The following SYT1 variants were observed in gnomAD, a reference collection of about 807,000 sequenced individuals.
SYT1 encodes synaptotagmin 1.
In SYT1, 8 loss-of-function variants were observed where a neutral mutation model predicts 44.8. The observed-to-expected ratio is 0.18, with a 90% CI of 0.10 to 0.32. The LOEUF is 0.32. Ranked by LOEUF, SYT1 falls within the 10% of genes least tolerant of loss-of-function variation. SYT1 has a pLI of 1.00. For missense variants in SYT1, 286 were observed against 509.3 expected (o/e 0.56, Z 4.22); for synonymous variants, 154 against 188.8 (o/e 0.82, Z 1.51).
intron 2 of SYT1, among the ~76,000 whole-genome samples, chr12:78,991,098 G>A (rs1473555302): frequency 6.6e-6 from 1 of 152,016 alleles, no homozygotes; most frequent in Non-Finnish European, 1.5e-5. Flanking sequence ...GAATACAAAT[G>A]ACATGAAAAT....
At chr12:79,153,164 C>A (rs1870386240) in intron 3 of SYT1, among the ~76,000 whole-genome samples, 1 of 152,032 alleles carries the variant, frequency 6.6e-6, no homozygotes, top group Non-Finnish European at 1.5e-5. Context: ...TGAGTTCTAG[C>A]CCAAGACATA....
chr12:79,277,500 C>A (rs538801922), intron 4 of SYT1, among the ~76,000 whole-genome samples: 6 of 152,188 alleles, frequency 3.9e-5, no homozygotes, highest in African/African-American at 1.4e-4. Context: ...ACTACCTCTA[C>A]AAGAAATGCT....
chr12:79,286,959 T>C (rs1192093107), intron 5 of SYT1, among the ~76,000 whole-genome samples: 1 of 152,170 alleles, frequency 6.6e-6, no homozygotes, highest in African/African-American at 2.4e-5. Context: ...ATTCCTCTTA[T>C]ACTATTAATT....
chr12:79,327,533 C>T (rs1245771), intron 8 of SYT1, among the ~76,000 whole-genome samples: 4,191 of 152,274 alleles, frequency 0.028, 207 homozygotes, highest in African/African-American at 0.094. Flanking sequence ...CAACTATGTT[C>T]TGTAGCTTCT....
At chr12:79,019,361 AG>A (rs1872031943) in intron 2 of SYT1, among the ~76,000 whole-genome samples, 1 of 152,060 alleles carries the variant, frequency 6.6e-6, no homozygotes, top group South Asian at 2.1e-4. Flanking sequence ...GTTACTCATG[AG>A]ATAACTAGTT....
chr12:79,155,876 C>T (rs1293359428), intron 3 of SYT1, among the ~76,000 whole-genome samples: 1 of 152,148 alleles, frequency 6.6e-6, no homozygotes, highest in African/African-American at 2.4e-5. Flanking sequence ...TTCAACCAAC[C>T]AACGTGAGAT....
intron 9 of SYT1, among the ~76,000 whole-genome samples, chr12:79,440,355 G>T (rs780435262): frequency 6.6e-6 from 1 of 152,214 alleles, no homozygotes; most frequent in Non-Finnish European, 1.5e-5. Context: ...TCAGTATTTA[G>T]ATGATGAAGG....
chr12:79,098,716 T>C (rs1218044477), intron 3 of SYT1, among the ~76,000 whole-genome samples: 1 of 152,144 alleles, frequency 6.6e-6, no homozygotes, highest in Admixed American at 6.6e-5. Flanking sequence ...CCTGCTGTGG[T>C]ACAACAGGAG....
Position 79,100,436 on chromosome 12 carries a change from G to A in SYT1, c.-18+53074G>A, listed in dbSNP as rs78708308. 3.9e-3 allele frequency among the ~76,000 whole-genome samples: 597 copies of A among 152,040 alleles called. 28 individuals carry two copies. In the East Asian group the frequency reaches 0.1, roughly 27 times the overall value. ...AAATGCTTTTAACACATTATTAGTT[G>A]AACAAGAGGAACCAAGGTAAGGAGG... On this transcript the variant is annotated intron_variant, in intron 3 of 10. Coordinates refer to ENST00000261205, the MANE Select transcript of SYT1 (RefSeq NM_005639.3).
At chr12:79,312,269 C>A (rs977057076) in intron 8 of SYT1, among the ~76,000 whole-genome samples, 6 of 152,198 alleles carry the variant, frequency 3.9e-5, no homozygotes, top group South Asian at 2.1e-4. Context: ...GGACTTGAGG[C>A]CTTCTTCCAG....
intron 9 of SYT1, among the ~76,000 whole-genome samples, chr12:79,432,278 A>T (rs1385721678): frequency 6.6e-6 from 1 of 151,564 alleles, no homozygotes; most frequent in East Asian, 1.9e-4. Flanking sequence ...TTTGTTACAT[A>T]TGTATACATG....
chr12:79,109,702 C>T (rs914187530), intron 3 of SYT1, among the ~76,000 whole-genome samples: 4 of 152,082 alleles, frequency 2.6e-5, no homozygotes, highest in South Asian at 2.1e-4. Context: ...TTATCTTTGC[C>T]CCAAACTTTA....
chr12:78,943,822 C>A (rs1280213863), intron 1 of SYT1, among the ~76,000 whole-genome samples: 1 of 152,092 alleles, frequency 6.6e-6, no homozygotes, highest in Non-Finnish European at 1.5e-5. Flanking sequence ...GGTTCTTGTA[C>A]CTTGACAATA....
chr12:79,094,529 ATAT>A (rs1053547562), intron 3 of SYT1, among the ~76,000 whole-genome samples: 2 of 151,912 alleles, frequency 1.3e-5, no homozygotes, highest in Non-Finnish European at 2.9e-5. Context: ...ACAAACAAAA[ATAT>A]TATAGTTTTT....
At chr12:78,892,423 A>T (rs1236242596) in intron 1 of SYT1, among the ~76,000 whole-genome samples, 1 of 151,788 alleles carries the variant, frequency 6.6e-6, no homozygotes, top group Non-Finnish European at 1.5e-5. Context: ...CAAAAAAGTT[A>T]TAAACCATTC....
At chr12:79,277,887 C>A (rs1361694707) in intron 4 of SYT1, among the ~76,000 whole-genome samples, 4 of 151,942 alleles carry the variant, frequency 2.6e-5, no homozygotes, top group East Asian at 1.9e-4. Context: ...AGAAAACAGA[C>A]TTTAAATCAA....
intron 1 of SYT1, among the ~76,000 whole-genome samples, chr12:78,968,174 G>A (rs777489114): frequency 6.6e-6 from 1 of 152,126 alleles, no homozygotes; most frequent in African/African-American, 2.4e-5. Flanking sequence ...TTTTGACTCA[G>A]TATGGAGAAA....
chr12:79,122,470 C>T (rs1391001232), intron 3 of SYT1, among the ~76,000 whole-genome samples: 2 of 122,722 alleles, frequency 1.6e-5, no homozygotes, highest in African/African-American at 6.6e-5. Context: ...GCCGAGATCG[C>T]GCCACTGCAC....
chr12:78,975,342 G>A (rs1222349717), intron 1 of SYT1, among the ~76,000 whole-genome samples: 1 of 152,146 alleles, frequency 6.6e-6, no homozygotes, highest in African/African-American at 2.4e-5. Context: ...TTCAGAGAAG[G>A]GGTGGAGGCA....
Sources: gnomAD v4.1 joint callset for allele counts (sites outside exome capture counted in the v4.1 genomes callset) on GRCh38, gnomAD v4.1.1 for gene constraint, MANE v1.5 for transcripts, NCBI Gene and HGNC (gene_info 2026-07-23, HGNC 2026-07-21) for gene names.